CEP295: variants seen among roughly 807,000 people sequenced by gnomAD.
CEP295 encodes centrosomal protein of 295 kDa.
CEP295 carries 190 observed loss-of-function variants against 291.6 expected under a neutral mutation model. That is an observed-to-expected ratio of 0.65 (90% CI 0.58 to 0.73). CEP295 has a LOEUF of 0.73. CEP295 is among the 30% of genes least tolerant of loss of function. The pLI, the probability that CEP295 is intolerant of heterozygous loss-of-function variation, is 0.00. For synonymous variants in CEP295, 993 were observed against 1,038.8 expected (o/e 0.96, Z 0.85); for missense variants, 2,863 against 2,949.4 (o/e 0.97, Z 0.68).
At chr11:93,701,973 A>T (rs1245589556) in intron 15 of CEP295, among the ~76,000 whole-genome samples, 2 of 149,764 alleles carry the variant, frequency 1.3e-5, no homozygotes, top group African/African-American at 4.9e-5. Flanking sequence ...GTTGTTTGAG[A>T]CGAAATCTTG....
chr11:93,707,939 C>T (rs1343308636), intron 18 of CEP295, among the ~76,000 whole-genome samples: 1 of 152,128 alleles, frequency 6.6e-6, no homozygotes, highest in Non-Finnish European at 1.5e-5. Flanking sequence ...ACTTTAACAT[C>T]TCTTTAAATT....
rs1420134702 is a variant in CEP295, at chr11:93,666,822, C to T, written c.108+7C>T. 34 of 1,405,598 alleles carry T rather than the reference C, an allele frequency of 2.4e-5. No individual in the cohort carries two copies. The highest frequency in any genetic ancestry group is 2.9e-5 in the Non-Finnish European group (30 of 1,023,418). 87.1% of individuals were successfully genotyped at this position (1,405,598 alleles called of 1,614,324 possible). A position where few individuals can be genotyped will look rare whatever the true frequency, so the allele number is the denominator to read the frequency against. On this transcript the variant is annotated splice_region_variant and intron_variant, in intron 2 of 29. Coordinates refer to ENST00000325212, the MANE Select transcript of CEP295 (RefSeq NM_033395.2). ...AAAACTAAGATTGCTACAGGTATGA[C>T]TTATTTGTAATAAAGTTTTAAATTC... is the stretch of plus-strand genomic sequence containing the variant.
intron 19 of CEP295, 45 bp downstream of exon 19, chr11:93,721,457 C>T (rs755196140): frequency 1.7e-6 from 2 of 1,165,968 alleles, no homozygotes; most frequent in Non-Finnish European, 2.6e-6. Context: ...AGCTGTTTGG[C>T]TTCGTATTCT....
intron 9 of CEP295, among the ~76,000 whole-genome samples, chr11:93,686,048 G>A (rs974566217): frequency 2.0e-5 from 3 of 151,228 alleles, no homozygotes; most frequent in Non-Finnish European, 4.4e-5. Context: ...GCCAGGTGCG[G>A]TGACTCATGC....
chr11:93,726,438 TA>T (rs1355586188), intron 23 of CEP295, among the ~76,000 whole-genome samples: 1 of 152,196 alleles, frequency 6.6e-6, no homozygotes, highest in African/African-American at 2.4e-5. Context: ...CCAGCCAGTT[TA>T]AGTATTCTTC....
intron 12 of CEP295, 127 bp downstream of exon 12, chr11:93,692,157 C>A (rs1254612243): frequency 1.7e-6 from 1 of 601,914 alleles, no homozygotes; most frequent in Non-Finnish European, 2.9e-6. Flanking sequence ...CATTGTCTTA[C>A]ACAAACATTC....
chr11:93,665,623 A>G (rs922493323), intron 1 of CEP295, among the ~76,000 whole-genome samples: 1 of 152,154 alleles, frequency 6.6e-6, no homozygotes, highest in Non-Finnish European at 1.5e-5. Context: ...CAGGAGAATC[A>G]CTTGAACTCA....
intron 18 of CEP295, among the ~76,000 whole-genome samples, chr11:93,715,592 C>A (rs1452561262): frequency 1.3e-5 from 2 of 152,020 alleles, no homozygotes; most frequent in Non-Finnish European, 1.5e-5. Flanking sequence ...TGTGAATATG[C>A]TGGGTCACAC....
chr11:93,687,972 A>G, intron 10 of CEP295, 107 bp downstream of exon 10: 1 of 667,668 alleles, frequency 1.5e-6, no homozygotes, highest in Admixed American at 3.6e-5. Flanking sequence ...ACAAAACATA[A>G]TCCTGCTAAT....
intron 18 of CEP295, among the ~76,000 whole-genome samples, chr11:93,708,524 G>C (rs553523743): frequency 9.2e-5 from 14 of 151,976 alleles, no homozygotes; most frequent in Non-Finnish European, 1.9e-4. Flanking sequence ...ATTGTGATAC[G>C]TGCCACTTTT....
At position 93,702,509 on chromosome 11, in the gene CEP295, A is replaced by G; in HGVS notation, c.5324A>G (p.Gln1775Arg). 1.3e-6 allele frequency: 2 copies of G among 1,546,694 alleles called. No individual in the cohort carries two copies. Among genetic ancestry groups the G allele is most frequent in the Non-Finnish European group, 1.7e-6 (2 of 1,145,708 alleles). Reference sequence around the variant, plus strand: ...GATTTAAAAACCCAGAAGATGGGGCAGCTCAGAGACTGGTTTCCTAATACA... The same window carrying G: ...GATTTAAAAACCCAGAAGATGGGGCGGCTCAGAGACTGGTTTCCTAATACA... The part of the protein sequence containing the change: ...ENDLKTQKMG[Q>R]LRDWFPNTQD... Residue 1775 changes from glutamine to arginine, a missense_variant, in exon 16 of 30, where the codon CAG becomes CGG. Coordinates refer to ENST00000325212, the MANE Select transcript of CEP295 (RefSeq NM_033395.2).
intron 6 of CEP295, 111 bp from the exon 7 acceptor site, chr11:93,679,298 CTCT>C: frequency 1.2e-6 from 1 of 857,914 alleles, no homozygotes; most frequent in Non-Finnish European, 1.8e-6. Flanking sequence ...TAAAATATAA[CTCT>C]TCTTATATTT....
At position 93,712,421 on chromosome 11, in the gene CEP295, T is replaced by G. The variant is rs548503772; in HGVS notation, c.5749+5524T>G. Among the ~76,000 whole-genome samples the G allele has an allele frequency of 5.3e-5, 8 of 151,616 alleles. No individual in the cohort carries two copies. In the South Asian group the frequency reaches 1.7e-3, roughly 32 times the overall value. ...GGCATGCGCCACCACACCTGGCTAA[T>G]TTTTGTATTTTTAGTAGAGACGGGG... is the stretch of plus-strand genomic sequence containing the variant. On this transcript the variant is annotated intron_variant, in intron 18 of 29. Coordinates refer to ENST00000325212, the MANE Select transcript of CEP295 (RefSeq NM_033395.2).
Position 93,724,286 on chromosome 11 carries a change from C to T in CEP295, c.6229C>T (p.Gln2077Ter). The T allele has an allele frequency of 6.4e-7, 1 of 1,550,508 alleles. No individual in the cohort carries two copies. The highest frequency in any genetic ancestry group is 8.7e-7 in the Non-Finnish European group (1 of 1,146,300). Residue 2077 changes from glutamine (Q) to a stop codon, truncating the protein, a stop_gained, in exon 22 of 30, where the codon CAG becomes TAG. Coordinates refer to ENST00000325212, the MANE Select transcript of CEP295 (RefSeq NM_033395.2). LOFTEE classifies it high-confidence loss of function. ...LEHIFPNLHHQLFKPLEPHPD... is the reference protein window; with the variant it reads ...LEHIFPNLHH ...ACACATTTTTCCTAATTTGCATCAT[C>T]AGCTGTTTAAACCCTTAGAACCACA...
rs1950343616 is a variant in CEP295 at position 93,669,679 on chromosome 11, A to G, written c.437A>G (p.His146Arg). The G allele has an allele frequency of 2.6e-6, 4 of 1,547,124 alleles. No homozygotes were observed. Among genetic ancestry groups the G allele is most frequent in the Non-Finnish European group, 2.6e-6 (3 of 1,143,202 alleles). ...KEILLKQKTW[H>R]IKARKEALLV... ...GATGACATCTCTTGTTTCTTAAGGC[A>G]TATAAAAGCTCGAAAGGAAGCACTG... The change falls in exon 5 of 30, where the codon CAT becomes CGT. Residue 146 changes from histidine to arginine, a missense_variant and splice_region_variant. Physicochemically the swap from His to Arg is conservative, Grantham distance 29 (BLOSUM62 0). Transcript: ENST00000325212.
At chr11:93,681,850 T>C (rs1478172382) in intron 7 of CEP295, among the ~76,000 whole-genome samples, 1 of 31,554 alleles carries the variant, frequency 3.2e-5, no homozygotes, top group Non-Finnish European at 1.5e-4. Flanking sequence ...CCTGGCTGTT[T>C]TTTGTTTTTG....
chr11:93,685,930 C>T (rs1242326558), intron 9 of CEP295, among the ~76,000 whole-genome samples: 7 of 151,782 alleles, frequency 4.6e-5, no homozygotes, highest in East Asian at 2.0e-4. Context: ...AGGCTGGTCT[C>T]GAACTCCTGA....
At chr11:93,679,346 T>C (rs1950851361) in intron 6 of CEP295, 66 bp from the exon 7 acceptor site, 5 of 1,364,128 alleles carry the variant, frequency 3.7e-6, no homozygotes, top group Non-Finnish European at 5.0e-6. Flanking sequence ...AAGGTTGTTT[T>C]GTTTTTTAGT....
intron 21 of CEP295, chr11:93,723,524 C>T: frequency 8.4e-6 from 3 of 357,546 alleles, no homozygotes; most frequent in East Asian, 5.3e-5. Context: ...TTTGCCATTG[C>T]AGAGTTAGCT....
Sources: allele counts gnomAD v4.1 joint callset (sites outside exome capture counted in the v4.1 genomes callset), GRCh38; gene constraint gnomAD v4.1.1; transcripts MANE v1.5; gene names NCBI Gene and HGNC (gene_info 2026-07-23, HGNC 2026-07-21).